NPC1L1: variants seen among roughly 807,000 people sequenced by gnomAD.
NPC1L1 encodes NPC1-like intracellular cholesterol transporter 1.
A neutral mutation model predicts 117.0 loss-of-function variants in NPC1L1; 98 were observed. That is an observed-to-expected ratio of 0.84 (90% confidence interval 0.71 to 0.99). The LOEUF (loss-of-function observed/expected upper bound fraction) is 0.99, where lower values mean the gene tolerates loss of function less well. NPC1L1 is among the 50% of genes least tolerant of loss of function. NPC1L1 has a pLI of 0.00. For missense variants in NPC1L1, 1,540 were observed against 1,710.0 expected (o/e 0.90, Z 1.75); for synonymous variants, 729 against 727.6 (o/e 1.00, Z -0.03).
At chr7:44,525,136 T>C (rs217416) in intron 10 of NPC1L1, among the ~76,000 whole-genome samples, 31,461 of 151,858 alleles carry the variant, frequency 0.21, 3,635 homozygotes, top group Non-Finnish European at 0.26. Context: ...AAAGGGGAAG[T>C]GAGATTATTT....
intron 15 of NPC1L1, 56 bp from the exon 16 acceptor site, chr7:44,516,990 G>T (rs1801210863): frequency 6.5e-7 from 1 of 1,534,058 alleles, no homozygotes; most frequent in Non-Finnish European, 9.0e-7. Flanking sequence ...CTCATGGTGG[G>T]TGGGACACCC....
intron 10 of NPC1L1, among the ~76,000 whole-genome samples, chr7:44,523,811 G>A (rs977566581): frequency 1.3e-5 from 2 of 152,212 alleles, no homozygotes; most frequent in South Asian, 2.1e-4. Flanking sequence ...CTGCTGCAGT[G>A]ACCTATGATT....
chr7:44,535,982 C>G lies in NPC1L1; in HGVS notation c.1855-14G>C. 6.2e-7 allele frequency: 1 copy of G among 1,612,674 alleles called. No homozygotes were observed. Among genetic ancestry groups the G allele is most frequent in the Non-Finnish European group, 8.5e-7 (1 of 1,179,976 alleles). ...TTCCAGAGAGCGCTGTGGACACACA[C>G]CCGACCAGCCCCCACTGACCGTGCC... On this transcript the variant is annotated splice_polypyrimidine_tract_variant and intron_variant, in intron 4 of 18. Coordinates refer to ENST00000381160, the MANE Select transcript of NPC1L1 (RefSeq NM_001101648.2).
At chr7:44,533,327 A>G (rs940968786) in intron 8 of NPC1L1, 104 bp downstream of exon 8, 1 of 1,402,048 alleles carries the variant, frequency 7.1e-7, no homozygotes, top group African/African-American at 1.4e-5. Flanking sequence ...CCTGTCCCCC[A>G]CCCCATTCTC....
chr7:44,517,846 T>A (rs1312849622), intron 14 of NPC1L1, among the ~76,000 whole-genome samples: 1 of 152,162 alleles, frequency 6.6e-6, no homozygotes, highest in African/African-American at 2.4e-5. Context: ...CCGGGTGTGG[T>A]GGCTCATGCC....
In NPC1L1 at chr7:44,540,196, T is replaced by G. The variant is rs898005538; in HGVS notation, c.201A>C (p.Thr67=). The change falls in exon 2 of 19, where the codon ACA becomes ACC. Residue 67 remains threonine (T), a synonymous_variant. Transcript: ENST00000381160. ...CLSNTPARKI[T]GDHLILLQKI... ...TCTGTAATAGGATCAGGTGATCACC[T>G]GTGATCTTGCGGGCCGGCGTGTTGG... 1 of 1,614,032 alleles carries G rather than the reference T, an allele frequency of 6.2e-7. No homozygotes were observed. The highest frequency in any genetic ancestry group is 8.5e-7 in the Non-Finnish European group (1 of 1,180,008).
intron 14 of NPC1L1, among the ~76,000 whole-genome samples, chr7:44,518,166 T>G (rs1398812238): frequency 2.0e-5 from 3 of 150,278 alleles, no homozygotes; most frequent in South Asian, 2.1e-4. Flanking sequence ...CAATAAAGGG[T>G]TTTTTGTTCT....
intron 16 of NPC1L1, 122 bp from the exon 17 acceptor site, chr7:44,516,319 T>G (rs749899653): frequency 1.1e-6 from 1 of 869,630 alleles, no homozygotes; most frequent in Non-Finnish European, 1.9e-6. Context: ...ACTGGGAGTA[T>G]TTGGCCGGGT....
rs759947535 is a variant in NPC1L1 at position 44,536,959 on chromosome 7, G to A, written c.1581-17C>T. 6.1e-5 allele frequency: 98 copies of A among 1,608,206 alleles called. 1 individual carries two copies. The East Asian group carries it at 1.3e-3, about 22-fold the overall frequency. On this transcript the variant is annotated splice_polypyrimidine_tract_variant and intron_variant, in intron 2 of 18. Transcript: ENST00000381160. The surrounding 1 kb of genome is among the most constrained non-coding windows in gnomAD (Gnocchi z 4.7). Reference sequence around the variant, plus strand: ...AGCGGGGCACTAGAGGGAGATGACCGCAAAGGGAAAGGGCCTTTCCTGGCC... The same window carrying A: ...AGCGGGGCACTAGAGGGAGATGACCACAAAGGGAAAGGGCCTTTCCTGGCC...
rs553339988 is a variant in NPC1L1 at position 44,540,139 on chromosome 7, G to A, written c.258C>T (p.Asn86=). ...KICPRLYTGP[N]TQACCSAKQL... ...GCTTGGCGGAGCAGCAGGCTTGGGT[G>A]TTGGGGCCGGTGTAGAGGCGGGGGC... Residue 86 remains asparagine (N), a synonymous_variant, in exon 2 of 19, where the codon AAC becomes AAT. Transcript: ENST00000381160. 1.3e-5 allele frequency: 21 copies of A among 1,614,204 alleles called. No individual in the cohort carries two copies. The Middle Eastern group carries it at 8.2e-4, about 63-fold the overall frequency.
In NPC1L1 at chr7:44,540,234, C is replaced by A. The variant is rs119457968; in HGVS notation, c.163G>T (p.Val55Leu). Residue 55 changes from valine to leucine, a missense_variant, in exon 2 of 19, where the codon GTG (valine) becomes TTG (leucine). Val to Leu is a conservative substitution (Grantham distance 32). Around this residue, in one of 3 missense-constraint regions of NPC1L1, gnomAD observed 793 missense variants for 820.4 expected, o/e 0.97. Transcript: ENST00000381160. Reference protein sequence around the residue: ...LSGSLMTLSNVSCLSNTPARK... With the variant: ...LSGSLMTLSNLSCLSNTPARK... ...GCCGGCGTGTTGGACAGGCAGGACA[C>A]GTTGGAGAGTGTCATGAGGCTTCCA... is the stretch of plus-strand genomic sequence containing the variant. The A allele has an allele frequency of 1.7e-5, 28 of 1,613,874 alleles. No homozygotes were observed. The highest frequency in any genetic ancestry group is 2.2e-5 in the East Asian group (1 of 44,890).
chr7:44,518,812 G>T, intron 14 of NPC1L1: 3 of 887,642 alleles, frequency 3.4e-6, no homozygotes, highest in Non-Finnish European at 4.2e-6. Flanking sequence ...GGAGGTGCCT[G>T]GAGAACTTCC....
At chr7:44,513,758 A>G in intron 18 of NPC1L1, 109 bp from the exon 19 acceptor site, 1 of 1,202,512 alleles carries the variant, frequency 8.3e-7, no homozygotes, top group Non-Finnish European at 1.2e-6. Context: ...CCCAGGGGGG[A>G]TCTGTGCCAT....
In NPC1L1 at chr7:44,522,033, G is replaced by T; in HGVS notation, c.2828+19C>A. 1 of 1,612,942 alleles carries T rather than the reference G, an allele frequency of 6.2e-7. No individual in the cohort carries two copies. Among genetic ancestry groups the T allele is most frequent in the South Asian group, 1.1e-5 (1 of 90,868 alleles). On this transcript the variant is annotated intron_variant, in intron 11 of 18. Coordinates refer to ENST00000381160, the MANE Select transcript of NPC1L1 (RefSeq NM_001101648.2). Reference sequence around the variant, plus strand: ...CAAACAGGGAGTAGGCTGGGGTTTGGGGCGGGCCAGGAACTCACTGCTCAG... The same window carrying T: ...CAAACAGGGAGTAGGCTGGGGTTTGTGGCGGGCCAGGAACTCACTGCTCAG...
rs755061790 is a variant in NPC1L1, at chr7:44,536,005, G to A, written c.1855-37C>T. On this transcript the variant is annotated intron_variant, in intron 4 of 18. Transcript: ENST00000381160. This position sits in a 1 kb window ranked among gnomAD's most constrained non-coding sequence, Gnocchi z 4.7. ...CACCCGACCAGCCCCCACTGACCGT[G>A]CCTGCTTCAGCCAGGCCAGCTCTCA... is the stretch of plus-strand genomic sequence containing the variant. 4 of 1,612,150 alleles carry A rather than the reference G, an allele frequency of 2.5e-6. No homozygotes were observed. In the South Asian group the frequency reaches 4.4e-5, roughly 18 times the overall value.
In NPC1L1 at chr7:44,536,467, G is replaced by A. The variant is rs201995037; in HGVS notation, c.1682-39C>T. The A allele has an allele frequency of 2.3e-4, 362 of 1,600,284 alleles. No homozygotes were observed. The African/African-American group carries it at 3.8e-3, about 17-fold the overall frequency. On this transcript the variant is annotated intron_variant, in intron 3 of 18. Transcript: ENST00000381160. This position sits in a 1 kb window ranked among gnomAD's most constrained non-coding sequence, Gnocchi z 4.7. ...TACTCAGACCCTTCCTGCTGCACCC[G>A]TGCCTCCCTCCCCCTCCAGCTGCAC...
Position 44,536,740 on chromosome 7 carries a change from C to A in NPC1L1, c.1681+102G>T, listed in dbSNP as rs543915602. 1.4e-4 allele frequency: 154 copies of A among 1,063,454 alleles called. No individual in the cohort carries two copies. The highest frequency in any genetic ancestry group is 6.3e-5 in the Non-Finnish European group (44 of 695,676). 65.9% of individuals were successfully genotyped at this position (1,063,454 alleles called of 1,614,324 possible). A position where few individuals can be genotyped will look rare whatever the true frequency, so the allele number is the denominator to read the frequency against. ...CAGCTTCCAGAAGCCAGGCTACCCC[C>A]AGGCCGCGAGAATCCCCAGCACCAC... is the stretch of plus-strand genomic sequence containing the variant. On this transcript the variant is annotated intron_variant, in intron 3 of 18. Transcript: ENST00000381160. The surrounding 1 kb of genome is among the most constrained non-coding windows in gnomAD (Gnocchi z 4.7).
intron 2 of NPC1L1, among the ~76,000 whole-genome samples, chr7:44,537,954 G>C (rs1414230690): frequency 6.6e-6 from 1 of 152,174 alleles, no homozygotes; most frequent in Non-Finnish European, 1.5e-5. Flanking sequence ...CCAGGTAGCA[G>C]GGGACAGAAA....
In NPC1L1 at chr7:44,523,016, C is replaced by T. The variant is rs1328501403; in HGVS notation, c.2638-774G>A. Among the ~76,000 whole-genome samples the T allele has an allele frequency of 2.0e-5, 3 of 152,304 alleles. No homozygotes were observed. In the East Asian group the frequency reaches 5.8e-4, roughly 29 times the overall value. On this transcript the variant is annotated intron_variant, in intron 10 of 18. Transcript: ENST00000381160. ...AGTAGGAAGTGTCAGGAATCCCTCT[C>T]CCCAGCTAGACAACAATTTGTCTGG...
Sources: gnomAD v4.1 joint callset for allele counts (sites outside exome capture counted in the v4.1 genomes callset) on GRCh38, gnomAD v4.1.1 for gene constraint, gnomAD v4.1.1 regional missense constraint, Gnocchi (gnomAD v3.1) non-coding constraint, MANE v1.5 for transcripts, NCBI Gene and HGNC (gene_info 2026-07-23, HGNC 2026-07-21) for gene names.